The following PLS3 variants were observed in gnomAD, a reference collection of about 807,000 sequenced individuals.
PLS3 encodes plastin-3.
Under a neutral mutation model 46.5 loss-of-function variants are expected in PLS3, and 11 were observed. The observed-to-expected ratio is 0.24, with a 90% confidence interval of 0.15 to 0.39. PLS3 has a LOEUF of 0.39. PLS3 is among the 10% of genes least tolerant of loss of function. PLS3 has a pLI of 1.00. For synonymous variants in PLS3, 167 were observed against 162.2 expected (o/e 1.03, Z -0.22); for missense variants, 308 against 461.8 (o/e 0.67, Z 3.05).
chrX:115,566,328 A>C (rs2147407725), intron 1 of PLS3, among the ~76,000 whole-genome samples: 1 of 105,462 alleles, frequency 9.5e-6, no homozygotes, highest in Non-Finnish European at 1.9e-5. Context: ...GACTAGGTTG[A>C]TAACAATAGA....
intron 1 of PLS3, among the ~76,000 whole-genome samples, chrX:115,603,049 C>T (rs782541213): frequency 2.6e-4 from 29 of 110,961 alleles, no homozygotes; most frequent in Admixed American, 9.7e-4. Flanking sequence ...CCCCGTCCCC[C>T]TTCAAATACC....
chrX:115,599,547 A>G (rs5946085), intron 1 of PLS3, among the ~76,000 whole-genome samples: 2,851 of 102,646 alleles, frequency 0.028, 70 homozygotes, highest in Admixed American at 0.098. Flanking sequence ...GGAAAGAGGG[A>G]AAAAACAGTT....
At position 115,634,976 on chromosome X, in the gene PLS3, G is replaced by A; in HGVS notation, c.678G>A (p.Leu226=). The change falls in exon 7 of 16, where the codon CTG becomes CTA. Residue 226 remains leucine, a synonymous_variant. Coordinates refer to ENST00000355899, the MANE Select transcript of PLS3 (RefSeq NM_005032.7). ...AEDLRAGKPH[L]VLGLLWQIIK... is the part of the protein sequence containing the mutation. ...ATTTGAGGGCTGGGAAACCTCATCTGGTTTTGGGACTGCTTTGGCAGATCA... is the reference window on the plus strand; with the variant it reads ...ATTTGAGGGCTGGGAAACCTCATCTAGTTTTGGGACTGCTTTGGCAGATCA... 8.3e-7 allele frequency: 1 copy of A among 1,210,430 alleles called. No individual in the cohort carries two copies. Among genetic ancestry groups the A allele is most frequent in the Non-Finnish European group, 1.1e-6 (1 of 894,348 alleles).
intron 8 of PLS3, among the ~76,000 whole-genome samples, chrX:115,638,595 A>G (rs1397708560): frequency 8.9e-6 from 1 of 112,550 alleles, no homozygotes; most frequent in African/African-American, 3.2e-5. Context: ...AAAATCAGCA[A>G]GCCAACCATA....
chrX:115,563,760 G>A (rs998832077), intron 1 of PLS3, among the ~76,000 whole-genome samples: 2 of 111,812 alleles, frequency 1.8e-5, no homozygotes, highest in African/African-American at 6.5e-5. Flanking sequence ...AAAGCACATT[G>A]TTCTGACCCC....
intron 1 of PLS3, among the ~76,000 whole-genome samples, chrX:115,609,452 C>CT (rs2074527185): frequency 9.0e-6 from 1 of 111,575 alleles, no homozygotes. Context: ...GAATAGAATT[C>CT]TTTTTTTCTG....
At chrX:115,588,224 C>A (rs2074322601) in intron 1 of PLS3, among the ~76,000 whole-genome samples, 1 of 112,323 alleles carries the variant, frequency 8.9e-6, no homozygotes, top group Non-Finnish European at 1.9e-5. Flanking sequence ...ACTACCACTT[C>A]TCTCGAGTTT....
chrX:115,597,861 C>T (rs782454903), intron 1 of PLS3, among the ~76,000 whole-genome samples: 1 of 111,254 alleles, frequency 9.0e-6, no homozygotes, highest in Admixed American at 9.7e-5. Flanking sequence ...CTAATGATGT[C>T]CTCTGTTTAG....
At chrX:115,606,160 C>CTTT (rs2074490297) in intron 1 of PLS3, among the ~76,000 whole-genome samples, 2 of 37,574 alleles carry the variant, frequency 5.3e-5, no homozygotes, top group Admixed American at 3.4e-4. Flanking sequence ...TTTTTCTTTT[C>CTTT]TTTTCTTTTT....
intron 2 of PLS3, among the ~76,000 whole-genome samples, chrX:115,611,695 A>G (rs1309659910): frequency 2.7e-5 from 3 of 111,948 alleles, no homozygotes; most frequent in African/African-American, 9.7e-5. Flanking sequence ...CATCTTGGAA[A>G]TAATTACGTG....
intron 1 of PLS3, among the ~76,000 whole-genome samples, chrX:115,607,172 G>A (rs1466595156): frequency 4.5e-5 from 5 of 110,804 alleles, no homozygotes; most frequent in Non-Finnish European, 9.4e-5. Context: ...AGAATCACCT[G>A]GGAGGGAGGA....
chrX:115,617,412 C>T (rs181603399), intron 2 of PLS3, among the ~76,000 whole-genome samples: 126 of 111,791 alleles, frequency 1.1e-3, no homozygotes, highest in Non-Finnish European at 1.9e-3. Flanking sequence ...TTTGGTTTCT[C>T]GATGAATTGC....
chrX:115,565,938 A>T (rs2074169002), intron 1 of PLS3, among the ~76,000 whole-genome samples: 1 of 112,142 alleles, frequency 8.9e-6, no homozygotes, highest in African/African-American at 3.2e-5. Flanking sequence ...TGAGCATAGA[A>T]TTTAGGGTCT....
intron 1 of PLS3, among the ~76,000 whole-genome samples, chrX:115,597,798 A>C (rs138494541): frequency 9.0e-6 from 1 of 111,586 alleles, no homozygotes; most frequent in Admixed American, 9.6e-5. Flanking sequence ...CAATCTAATC[A>C]GTGTATATAA....
intron 7 of PLS3, among the ~76,000 whole-genome samples, chrX:115,636,583 C>T: frequency 9.0e-6 from 1 of 111,656 alleles, no homozygotes; most frequent in South Asian, 3.7e-4. Flanking sequence ...TTGCATTAAG[C>T]TTAAAGGCCA....
intron 1 of PLS3, among the ~76,000 whole-genome samples, chrX:115,582,453 T>C (rs1261340361): frequency 8.9e-6 from 1 of 112,475 alleles, no homozygotes; most frequent in Non-Finnish European, 1.9e-5. Context: ...CATAGTGTTA[T>C]GTTTATGGAT....
At chrX:115,576,585 C>A (rs1444499529) in intron 1 of PLS3, among the ~76,000 whole-genome samples, 3 of 111,413 alleles carry the variant, frequency 2.7e-5, no homozygotes, top group Non-Finnish European at 5.6e-5. Flanking sequence ...TCAGATTATT[C>A]TTTTAAGCAC....
Position 115,646,555 on chromosome X carries a change from C to T in PLS3, c.1511+20C>T, listed in dbSNP as rs1602439955. 2.4e-5 allele frequency: 29 copies of T among 1,192,610 alleles called. No homozygotes were observed. The East Asian group carries it at 6.5e-4, about 27-fold the overall frequency. ...GAGAAGGTATAGTACACAATTTTAG[C>T]TGTTTAGTCTTTACTATCATACAGG... On this transcript the variant is annotated intron_variant, in intron 13 of 15. Transcript: ENST00000355899.
At chrX:115,569,923 C>G (rs1461493695) in intron 1 of PLS3, among the ~76,000 whole-genome samples, 6 of 111,494 alleles carry the variant, frequency 5.4e-5, no homozygotes, top group African/African-American at 9.8e-5. Context: ...GTTCCAATAG[C>G]TCTCGCATTT....
Sources: allele counts gnomAD v4.1 joint callset (sites outside exome capture counted in the v4.1 genomes callset), GRCh38; gene constraint gnomAD v4.1.1; transcripts MANE v1.5; gene names NCBI Gene and HGNC (gene_info 2026-07-23, HGNC 2026-07-21).